The following GNAI1 variants were observed in gnomAD, a reference collection of about 807,000 sequenced individuals.
GNAI1 encodes the protein guanine nucleotide-binding protein G(i) subunit alpha-1.
A neutral mutation model predicts 38.9 loss-of-function variants in GNAI1; 11 were observed. The observed-to-expected ratio is 0.28, with a 90% confidence interval of 0.18 to 0.47. The LOEUF (loss-of-function observed/expected upper bound fraction) is 0.47. Ranked by LOEUF, GNAI1 falls within the 20% of genes least tolerant of loss-of-function variation. The probability of loss-of-function intolerance (pLI) is 0.99; values close to 1 mark genes in which losing one functional copy is unlikely to be tolerated. For synonymous variants in GNAI1, 166 were observed against 145.1 expected, an observed-to-expected ratio of 1.14 and a Z score of -1.04; for missense variants, 317 against 436.9, an observed-to-expected ratio of 0.73 and a Z score of 2.45.
rs1789129540 is a variant in GNAI1, at chr7:80,224,609, CACA to C, written c.*7117_*7119del. On this transcript the variant is annotated 3_prime_UTR_variant, in exon 8 of 8. Transcript: ENST00000649796. The stretch of plus-strand genomic sequence containing the variant: ...CAGATGTTAATAAGTATGCATGATG[CACA>C]TTAGCATGTCAATGGCTGTGAAAAG... Among the ~76,000 whole-genome samples, 3 of 152,174 alleles carry C rather than the reference CACA, an allele frequency of 2.0e-5. No homozygotes were observed. Among genetic ancestry groups the C allele is most frequent in the Non-Finnish European group, 2.9e-5 (2 of 68,034 alleles).
rs1789125121 is a variant in GNAI1 at position 80,224,287 on chromosome 7, T to C, written c.*6794T>C. Among the ~76,000 whole-genome samples, 1 of 152,204 alleles carries C rather than the reference T, an allele frequency of 6.6e-6. No individual in the cohort carries two copies. Among genetic ancestry groups the C allele is most frequent in the African/African-American group, 2.4e-5 (1 of 41,444 alleles). On this transcript the variant is annotated 3_prime_UTR_variant, in exon 8 of 8. Coordinates refer to ENST00000649796, the MANE Select transcript of GNAI1 (RefSeq NM_002069.6). ...GCAGTCCTGCAATATTGGTAAAATT[T>C]CCATTTTCTATATAAGGAAACACAT...
intron 1 of GNAI1, among the ~76,000 whole-genome samples, chr7:80,156,843 G>A (rs1238507762): frequency 6.6e-6 from 1 of 152,144 alleles, no homozygotes; most frequent in East Asian, 1.9e-4. Context: ...ATTGAGCAGA[G>A]AGGGTACAGA....
At chr7:80,184,661 C>T (rs1241387745) in intron 1 of GNAI1, among the ~76,000 whole-genome samples, 1 of 152,186 alleles carries the variant, frequency 6.6e-6, no homozygotes, top group African/African-American at 2.4e-5. Flanking sequence ...ACTGCCTTTC[C>T]CTTTCACTGG....
intron 1 of GNAI1, among the ~76,000 whole-genome samples, chr7:80,167,033 G>A (rs968532033): frequency 2.0e-5 from 3 of 152,182 alleles, no homozygotes; most frequent in Non-Finnish European, 4.4e-5. Context: ...GTGAGAGTGA[G>A]TGGGTTAATG....
At chr7:80,191,599 C>G (rs1171537465) in intron 3 of GNAI1, among the ~76,000 whole-genome samples, 1 of 152,108 alleles carries the variant, frequency 6.6e-6, no homozygotes, top group Admixed American at 6.6e-5. Context: ...ACTGTGTTGG[C>G]TAGACTGGTC....
At chr7:80,135,913 G>A in intron 1 of GNAI1, 2 of 985,418 alleles carry the variant, frequency 2.0e-6, no homozygotes, top group Non-Finnish European at 2.4e-6. Flanking sequence ...TTGCTGTGGG[G>A]GCATGGAAGC....
intron 1 of GNAI1, among the ~76,000 whole-genome samples, chr7:80,168,458 G>A (rs1298636058): frequency 1.3e-5 from 2 of 152,066 alleles, no homozygotes; most frequent in East Asian, 3.9e-4. Flanking sequence ...CACGATCTCG[G>A]CTCACTGCAA....
intron 3 of GNAI1, among the ~76,000 whole-genome samples, chr7:80,192,979 A>G (rs1443691917): frequency 1.3e-5 from 2 of 151,114 alleles, no homozygotes; most frequent in Non-Finnish European, 2.9e-5. Context: ...GATTATAGGC[A>G]TGAGGCACCG....
chr7:80,220,021 C>G lies in GNAI1; in HGVS notation c.*2528C>G, dbSNP rs1789043585. Among the ~76,000 whole-genome samples the G allele has an allele frequency of 6.6e-6, 1 of 152,210 alleles. No individual in the cohort carries two copies. The highest frequency in any genetic ancestry group is 2.1e-4 in the South Asian group (1 of 4,824). ...GTTAAATTCCCCACCTCCCATTTCTCTCTTCTCGAAAAACCCAGGTTAGTT... is the reference window on the plus strand; with the variant it reads ...GTTAAATTCCCCACCTCCCATTTCTGTCTTCTCGAAAAACCCAGGTTAGTT... On this transcript the variant is annotated 3_prime_UTR_variant, in exon 8 of 8. Coordinates refer to ENST00000649796, the MANE Select transcript of GNAI1 (RefSeq NM_002069.6).
At chr7:80,140,751 T>A (rs987617321) in intron 1 of GNAI1, among the ~76,000 whole-genome samples, 1 of 152,222 alleles carries the variant, frequency 6.6e-6, no homozygotes, top group Non-Finnish European at 1.5e-5. Flanking sequence ...TTAATGAATG[T>A]TCATTACCAT....
intron 1 of GNAI1, among the ~76,000 whole-genome samples, chr7:80,162,758 C>T (rs1172672026): frequency 6.6e-6 from 1 of 152,128 alleles, no homozygotes; most frequent in Non-Finnish European, 1.5e-5. Context: ...GGTCCTTATT[C>T]AGCCACACAC....
intron 3 of GNAI1, among the ~76,000 whole-genome samples, chr7:80,190,007 T>C (rs1237046269): frequency 2.0e-5 from 3 of 152,092 alleles, no homozygotes; most frequent in African/African-American, 7.2e-5. Flanking sequence ...TATATTATTG[T>C]ATTATTTTTA....
intron 1 of GNAI1, among the ~76,000 whole-genome samples, chr7:80,177,813 G>C (rs538013632): frequency 6.6e-6 from 1 of 152,220 alleles, no homozygotes; most frequent in South Asian, 2.1e-4. Context: ...TATTTGTTCT[G>C]CAGCTTATGA....
At chr7:80,156,085 C>T (rs76329781) in intron 1 of GNAI1, among the ~76,000 whole-genome samples, 2,092 of 148,142 alleles carry the variant, frequency 0.014, 56 homozygotes, top group African/African-American at 0.048. Flanking sequence ...AGCTGATGTA[C>T]ATATCAGCAA....
Position 80,222,638 on chromosome 7 carries a change from C to T in GNAI1, c.*5145C>T, listed in dbSNP as rs1010492038. Among the ~76,000 whole-genome samples, 1 of 152,008 alleles carries T rather than the reference C, an allele frequency of 6.6e-6. No homozygotes were observed. Among genetic ancestry groups the T allele is most frequent in the South Asian group, 2.1e-4 (1 of 4,814 alleles). On this transcript the variant is annotated 3_prime_UTR_variant, in exon 8 of 8. Coordinates refer to ENST00000649796, the MANE Select transcript of GNAI1 (RefSeq NM_002069.6). ...CTGACCTCAGGTAATCCGCCCACCT[C>T]GGCCGCCCAAAGTGCTGGGATTACA...
chr7:80,210,684 C>T (rs1210877569), intron 5 of GNAI1, among the ~76,000 whole-genome samples: 1 of 149,422 alleles, frequency 6.7e-6, no homozygotes, highest in Admixed American at 6.7e-5. Flanking sequence ...TAAGTGTTCT[C>T]ATGTGTGTTA....
Position 80,135,069 on chromosome 7 carries a change from A to G in GNAI1, c.-92A>G. On this transcript the variant is annotated 5_prime_UTR_variant, in exon 1 of 8. Coordinates refer to ENST00000649796, the MANE Select transcript of GNAI1 (RefSeq NM_002069.6). ...CGTGGCCCCCGTCGGGAGGCGTTCG[A>G]ACGCCCGCTAGGAGAGAGAAAGGAT... The G allele has an allele frequency of 1.2e-6, 1 of 831,298 alleles. No individual in the cohort carries two copies. The allele number at this position is 831,298 out of a possible 1,614,324, so 51.5% of individuals were successfully genotyped here.
rs989243962 is a variant in GNAI1, at chr7:80,221,205, C to G, written c.*3712C>G. Among the ~76,000 whole-genome samples, 2 of 152,108 alleles carry G rather than the reference C, an allele frequency of 1.3e-5. No homozygotes were observed. The highest frequency in any genetic ancestry group is 4.8e-5 in the African/African-American group (2 of 41,474). ...TTCTTATTAACTGGGAAAATCTGGG[C>G]AAATAATTTAGTTTTGCTCTGCCTC... On this transcript the variant is annotated 3_prime_UTR_variant, in exon 8 of 8. Coordinates refer to ENST00000649796, the MANE Select transcript of GNAI1 (RefSeq NM_002069.6).
rs538759704 is a variant in GNAI1 at position 80,204,168 on chromosome 7, T to C, written c.590+336T>C. ...TTTCGGAAAGTGTTGCCATCTATTTTTAGGTAATAAGAGAGCAAGTTTTAC... is the reference window on the plus strand; with the variant it reads ...TTTCGGAAAGTGTTGCCATCTATTTCTAGGTAATAAGAGAGCAAGTTTTAC... On this transcript the variant is annotated intron_variant, in intron 5 of 7. Transcript: ENST00000649796. Among the ~76,000 whole-genome samples the C allele has an allele frequency of 3.9e-5, 6 of 152,244 alleles. No individual in the cohort carries two copies. The South Asian group carries it at 1.2e-3, about 32-fold the overall frequency.
Sources: gnomAD v4.1 joint callset for allele counts (sites outside exome capture counted in the v4.1 genomes callset) on GRCh38, gnomAD v4.1.1 for gene constraint, MANE v1.5 for transcripts, NCBI Gene and HGNC (gene_info 2026-07-23, HGNC 2026-07-21) for gene names.